TTLL8: variants seen among roughly 807,000 people sequenced by gnomAD.
TTLL8 encodes the protein tubulin tyrosine ligase like 8.
TTLL8 carries 65 observed loss-of-function variants against 77.8 expected under a neutral mutation model. The observed-to-expected ratio is 0.84, with a 90% CI of 0.68 to 1.03. The LOEUF is 1.03. TTLL8 is among the 50% of genes least tolerant of loss of function. The pLI, the probability that TTLL8 is intolerant of heterozygous loss-of-function variation, is 0.00. For missense variants in TTLL8, 910 were observed against 1,004.5 expected (o/e 0.91, Z 1.27); for synonymous variants, 402 against 422.8 (o/e 0.95, Z 0.60).
chr22:50,026,738 AC>A (rs1357258473), intron 12 of TTLL8, among the ~76,000 whole-genome samples: 1 of 152,196 alleles, frequency 6.6e-6, no homozygotes, highest in Non-Finnish European at 1.5e-5. Flanking sequence ...GTCTGTCCTC[AC>A]TGTAGGTAAG....
intron 12 of TTLL8, 167 bp downstream of exon 13, chr22:50,030,263 C>A (rs1021279980): frequency 1.4e-5 from 14 of 985,326 alleles, no homozygotes; most frequent in Non-Finnish European, 1.7e-5. Flanking sequence ...GGTGCCCCAA[C>A]CCCGCTCCCC....
chr22:50,057,860 T>C (rs1480451704), upstream of TTLL8, among the ~76,000 whole-genome samples: 4 of 148,626 alleles, frequency 2.7e-5, no homozygotes, highest in African/African-American at 7.5e-5. Context: ...AGCTGTGGAG[T>C]TCCCAGAAGA....
At chr22:50,052,384 C>T (rs536662868) in intron 1 of TTLL8, among the ~76,000 whole-genome samples, 1 of 151,978 alleles carries the variant, frequency 6.6e-6, no homozygotes, top group East Asian at 1.9e-4. Context: ...ATAAAAACAG[C>T]GTAAGATTTC....
chr22:50,055,133 G>A (rs373977300), upstream of TTLL8: 11 of 1,203,868 alleles, frequency 9.1e-6, no homozygotes, highest in African/African-American at 6.4e-5. Context: ...CAGCTCGGGG[G>A]CACAGTGCGT....
Position 50,029,738 on chromosome 22 carries a change from C to CA in TTLL8, c.2203+691dup, listed in dbSNP as rs1024959282. 1.4e-4 allele frequency among the ~76,000 whole-genome samples: 21 copies of CA among 151,844 alleles called. No individual in the cohort carries two copies. The East Asian group carries it at 2.1e-3, about 15-fold the overall frequency. On this transcript the variant is annotated intron_variant, in intron 12 of 13. Coordinates refer to ENST00000266182, the Ensembl canonical transcript of TTLL8. The stretch of plus-strand genomic sequence containing the variant: ...AGAGCAAGACTCTGTCTCAAAAAAA[C>CA]AAAAAAAACAAGACCCTCTCGTCAT...
chr22:50,034,565 C>T lies in TTLL8; in HGVS notation c.922-103G>A. 1 of 1,204,846 alleles carries T rather than the reference C, an allele frequency of 8.3e-7. No homozygotes were observed. Among genetic ancestry groups the T allele is most frequent in the Non-Finnish European group, 1.1e-6 (1 of 918,040 alleles). The allele number at this position is 1,204,846 out of a possible 1,614,324, so 74.6% of individuals were successfully genotyped here. A position where few individuals can be genotyped will look rare whatever the true frequency, so the allele number is the denominator to read the frequency against. ...GGAGGCCTGGGCCCCGCCTCACCCA[C>T]CAAGCAGGCGCTCGGCTCTAGGATG... On this transcript the variant is annotated intron_variant, in intron 8 of 13. Coordinates refer to ENST00000266182, the Ensembl canonical transcript of TTLL8. This position sits in a 1 kb window ranked among gnomAD's most constrained non-coding sequence, Gnocchi z 4.1.
chr22:50,041,930 C>T lies in TTLL8; in HGVS notation c.644-123G>A. On this transcript the variant is annotated intron_variant, in intron 6 of 13. Transcript: ENST00000266182. The surrounding 1 kb of genome is among the most constrained non-coding windows in gnomAD (Gnocchi z 4.3). ...TCCACTCCCTCTGTGCCCCAATACC[C>T]AACAAGTATCCCAGATCCCCAGACA... 2 of 867,572 alleles carry T rather than the reference C, an allele frequency of 2.3e-6. No individual in the cohort carries two copies. The highest frequency in any genetic ancestry group is 3.1e-6 in the Non-Finnish European group (2 of 644,196). 53.7% of individuals were successfully genotyped at this position (867,572 alleles called of 1,614,324 possible). A position where few individuals can be genotyped will look rare whatever the true frequency, so the allele number is the denominator to read the frequency against.
At chr22:50,055,691 G>T (rs976382674), upstream of TTLL8, among the ~76,000 whole-genome samples, 3 of 151,686 alleles carry the variant, frequency 2.0e-5, no homozygotes, top group Non-Finnish European at 4.4e-5. Context: ...GTCTGATGAG[G>T]CTGACATGAA....
At chr22:50,031,256 G>A (rs1339886811) in intron 11 of TTLL8, among the ~76,000 whole-genome samples, 1 of 152,198 alleles carries the variant, frequency 6.6e-6, no homozygotes. Context: ...ACATCCGCAG[G>A]CACAGGGAGG....
rs1327622034 is a variant in TTLL8 at position 50,031,004 on chromosome 22, G to C, written c.1708-79C>G. On this transcript the variant is annotated intron_variant, in intron 11 of 13. Coordinates refer to ENST00000266182, the Ensembl canonical transcript of TTLL8. Reference sequence around the variant, plus strand: ...CCCTGCAGGAGGGGTCTGTGCAGGAGGGGCTGGTCGGGGCACAGACCCCCA... The same window carrying C: ...CCCTGCAGGAGGGGTCTGTGCAGGACGGGCTGGTCGGGGCACAGACCCCCA... 12 of 1,186,558 alleles carry C rather than the reference G, an allele frequency of 1.0e-5. No individual in the cohort carries two copies. In the Admixed American group the frequency reaches 3.7e-4, roughly 36 times the overall value. 73.5% of individuals were successfully genotyped at this position (1,186,558 alleles called of 1,614,324 possible).
At chr22:50,047,169 TTGG>T in exon 4 of TTLL8, 1 of 1,367,410 alleles carries the variant, frequency 7.3e-7, no homozygotes, top group Non-Finnish European at 9.8e-7. Flanking sequence ...CCGGCTCACC[TTGG>T]TGGTGAAGGA....
rs554093732 is a variant in TTLL8 at position 50,041,908 on chromosome 22, A to C, written c.644-101T>G. Reference sequence around the variant, plus strand: ...TAAAGTCATGGACAAAGGCTGCTCCACTCCCTCTGTGCCCCAATACCCAAC... The same window carrying C: ...TAAAGTCATGGACAAAGGCTGCTCCCCTCCCTCTGTGCCCCAATACCCAAC... On this transcript the variant is annotated intron_variant, in intron 6 of 13. Coordinates refer to ENST00000266182, the Ensembl canonical transcript of TTLL8. The surrounding 1 kb of genome is among the most constrained non-coding windows in gnomAD (Gnocchi z 4.3). 2.3e-5 allele frequency: 24 copies of C among 1,046,806 alleles called. No homozygotes were observed. The highest frequency in any genetic ancestry group is 3.0e-5 in the Non-Finnish European group (24 of 799,962). The allele number at this position is 1,046,806 out of a possible 1,614,324, so 64.8% of individuals were successfully genotyped here. A position where few individuals can be genotyped will look rare whatever the true frequency, so the allele number is the denominator to read the frequency against.
At chr22:50,023,032 C>T (rs2061213773) in intron 12 of TTLL8, among the ~76,000 whole-genome samples, 1 of 150,666 alleles carries the variant, frequency 6.6e-6, no homozygotes, top group Non-Finnish European at 1.5e-5. Flanking sequence ...AAACCAGAAC[C>T]AAGAGGTGAA....
At chr22:50,054,663 C>T (rs777030522), upstream of TTLL8, 29 of 189,360 alleles carry the variant, frequency 1.5e-4, no homozygotes, top group East Asian at 4.3e-3. Flanking sequence ...CAGATAAAGC[C>T]GGGACAAGCA....
At chr22:50,039,247 A>T (rs1483117980) in intron 8 of TTLL8, among the ~76,000 whole-genome samples, 1 of 152,190 alleles carries the variant, frequency 6.6e-6, no homozygotes, top group African/African-American at 2.4e-5. Context: ...TAATTAATGA[A>T]TTAATTAAAT....
At chr22:50,047,648 G>A (rs1448626555) in intron 3 of TTLL8, among the ~76,000 whole-genome samples, 2 of 152,128 alleles carry the variant, frequency 1.3e-5, no homozygotes, top group Admixed American at 1.3e-4. Context: ...CCCCAGGACC[G>A]AAGCCCCCAG....
chr22:50,040,832 G>A (rs934494313), intron 8 of TTLL8, among the ~76,000 whole-genome samples: 6 of 152,156 alleles, frequency 3.9e-5, no homozygotes, highest in South Asian at 2.1e-4. Flanking sequence ...CTCATGCTCC[G>A]GGGGTGCCAG....
Position 50,034,218 on chromosome 22 carries a change from C to A in TTLL8, c.1039+127G>T. On this transcript the variant is annotated intron_variant, in intron 9 of 13. Transcript: ENST00000266182. The surrounding 1 kb of genome is among the most constrained non-coding windows in gnomAD (Gnocchi z 4.1). ...CCTGAGTCCTGACCCCCACGCCTGC[C>A]TCGGCGTTCTGCTCCCTCCCTTCCT... is the stretch of plus-strand genomic sequence containing the variant. 8.6e-7 allele frequency: 1 copy of A among 1,162,618 alleles called. No homozygotes were observed. The allele number at this position is 1,162,618 out of a possible 1,614,324, so 72.0% of individuals were successfully genotyped here. A position where few individuals can be genotyped will look rare whatever the true frequency, so the allele number is the denominator to read the frequency against.
chr22:50,028,305 C>T (rs2061244155), intron 12 of TTLL8, among the ~76,000 whole-genome samples: 2 of 152,244 alleles, frequency 1.3e-5, no homozygotes, highest in African/African-American at 2.4e-5. Flanking sequence ...ACATAAACTC[C>T]TTTGGTCGGC....
Sources: allele counts gnomAD v4.1 joint callset (sites outside exome capture counted in the v4.1 genomes callset), GRCh38; gene constraint gnomAD v4.1.1; non-coding constraint Gnocchi (gnomAD v3.1); transcripts MANE v1.5; gene names NCBI Gene and HGNC (gene_info 2026-07-23, HGNC 2026-07-21).